WDR5: variants seen among roughly 807,000 people sequenced by gnomAD.
WDR5 encodes WD repeat-containing protein 5.
For synonymous variants in WDR5, 144 were observed against 161.6 expected (o/e 0.89, Z 0.83); for missense variants, 187 against 416.9 (o/e 0.45, Z 4.80).
At chr9:134,153,527 T>C (rs1295490654) in intron 9 of WDR5, among the ~76,000 whole-genome samples, 1 of 152,238 alleles carries the variant, frequency 6.6e-6, no homozygotes, top group Non-Finnish European at 1.5e-5. Context: ...CGGCCCTCAC[T>C]GTGACCTCGG....
rs763583813 is a variant in WDR5 at position 134,141,966 on chromosome 9, C to T, written c.282C>T (p.Ala94=). The stretch of plus-strand genomic sequence containing the variant: ...TCCCCAAGGGAATATCCGATGTAGC[C>T]TGGTCGTCAGATTCTAACCTTCTTG... ...SGHKLGISDV[A]WSSDSNLLVS... is the part of the protein sequence containing the mutation. Residue 94 remains alanine (A), a synonymous_variant, in exon 5 of 14, where the codon GCC becomes GCT. Transcript: ENST00000358625. 9 of 1,614,052 alleles carry T rather than the reference C, an allele frequency of 5.6e-6. No individual in the cohort carries two copies.
intron 13 of WDR5, 67 bp downstream of exon 13, chr9:134,156,660 C>T (rs535907120): frequency 3.3e-4 from 510 of 1,534,916 alleles, no homozygotes; most frequent in Non-Finnish European, 3.1e-4. Context: ...GCAGGTGAAG[C>T]GTGGTGTGCC....
At chr9:134,155,450 C>T (rs113108543) in intron 11 of WDR5, 77 bp downstream of exon 11, 51 of 1,513,688 alleles carry the variant, frequency 3.4e-5, no homozygotes, top group African/African-American at 7.0e-5. Context: ...GAGCTGGCCC[C>T]GGTGATGACA....
chr9:134,146,830 CTG>C, intron 7 of WDR5, among the ~76,000 whole-genome samples: 1 of 152,336 alleles, frequency 6.6e-6, no homozygotes, highest in Non-Finnish European at 1.5e-5. Context: ...AGATGGATCA[CTG>C]TGAGTTAGAA....
chr9:134,144,224 G>A (rs369452564), intron 7 of WDR5, among the ~76,000 whole-genome samples: 1 of 152,168 alleles, frequency 6.6e-6, no homozygotes, highest in Non-Finnish European at 1.5e-5. Context: ...TCACTGCTGC[G>A]GGGAGGCCGT....
At position 134,141,979 on chromosome 9, in the gene WDR5, T is replaced by A; in HGVS notation, c.295T>A (p.Ser99Thr). The change falls in exon 5 of 14, where the codon TCT becomes ACT. Residue 99 changes from serine (S) to threonine (T), a missense_variant. Coordinates refer to ENST00000358625, the MANE Select transcript of WDR5 (RefSeq NM_017588.3). ...GISDVAWSSDSNLLVSASDDK... is the reference protein window; with the variant it reads ...GISDVAWSSDTNLLVSASDDK... ...ATCCGATGTAGCCTGGTCGTCAGAT[T>A]CTAACCTTCTTGTTTCTGCCTCAGA... The A allele has an allele frequency of 6.2e-7, 1 of 1,614,204 alleles. No individual in the cohort carries two copies. The highest frequency in any genetic ancestry group is 8.5e-7 in the Non-Finnish European group (1 of 1,180,040).
intron 9 of WDR5, 55 bp from the exon 10 acceptor site, chr9:134,154,411 G>A: frequency 6.3e-7 from 1 of 1,588,592 alleles, no homozygotes; most frequent in Non-Finnish European, 8.6e-7. Context: ...CCCACCTCCT[G>A]TCCCTGCCTG....
chr9:134,158,039 G>A lies in WDR5; in HGVS notation c.*46G>A, dbSNP rs1369830736. On this transcript the variant is annotated 3_prime_UTR_variant, in exon 14 of 14. Transcript: ENST00000358625. ...GAGAGACTGTCGGGAAGTTGACCCG[G>A]ATTGGCAAGAAACAGGGTGTCTTGG... 1 of 1,581,302 alleles carries A rather than the reference G, an allele frequency of 6.3e-7. No individual in the cohort carries two copies. Among genetic ancestry groups the A allele is most frequent in the South Asian group, 1.1e-5 (1 of 90,264 alleles).
At chr9:134,156,657 A>G (rs1182143507) in intron 13 of WDR5, 64 bp downstream of exon 13, 2 of 1,555,766 alleles carry the variant, frequency 1.3e-6, no homozygotes, top group African/African-American at 1.4e-5. Flanking sequence ...CCTGCAGGTG[A>G]AGCGTGGTGT....
At chr9:134,155,110 T>C (rs1188120778) in intron 10 of WDR5, among the ~76,000 whole-genome samples, 1 of 152,164 alleles carries the variant, frequency 6.6e-6, no homozygotes, top group Non-Finnish European at 1.5e-5. Context: ...CCTGTTAAAG[T>C]CTCTCTTGGA....
chr9:134,138,384 T>G (rs1022300323), intron 1 of WDR5, among the ~76,000 whole-genome samples: 2 of 152,368 alleles, frequency 1.3e-5, no homozygotes, highest in South Asian at 4.1e-4. Flanking sequence ...ACTTTGCAGC[T>G]TTTTGCTTGG....
chr9:134,148,478 A>G (rs765779206), intron 8 of WDR5, 135 bp downstream of exon 8: 5 of 730,906 alleles, frequency 6.8e-6, no homozygotes, highest in Non-Finnish European at 8.9e-6. Context: ...TCTTCTGGCC[A>G]CGCTGCAGAC....
chr9:134,140,549 C>G (rs1285594437), intron 2 of WDR5, among the ~76,000 whole-genome samples, 154 bp from the exon 3 acceptor site: 1 of 152,164 alleles, frequency 6.6e-6, no homozygotes, highest in Non-Finnish European at 1.5e-5. Context: ...TTGAAAGGTA[C>G]TGTCCACATA....
intron 2 of WDR5, 111 bp from the exon 3 acceptor site, chr9:134,140,592 T>G: frequency 1.1e-6 from 1 of 881,570 alleles, no homozygotes; most frequent in East Asian, 2.4e-5. Context: ...CATGTGGATT[T>G]GGAGCTCTAA....
intron 7 of WDR5, among the ~76,000 whole-genome samples, chr9:134,145,096 G>GTTTTTTTTGTTTTT (rs1832110289): frequency 9.6e-6 from 1 of 104,664 alleles, no homozygotes; most frequent in African/African-American, 3.4e-5. Flanking sequence ...GTGGGGCTTT[G>GTTTTTTTTGTTTTT]TTTTTTTTTT....
At chr9:134,150,231 A>T (rs1832422288) in intron 8 of WDR5, among the ~76,000 whole-genome samples, 1 of 152,234 alleles carries the variant, frequency 6.6e-6, no homozygotes, top group African/African-American at 2.4e-5. Flanking sequence ...ACAGAAAGGA[A>T]TTCCCATAGC....
chr9:134,142,112 G>T, intron 5 of WDR5, 74 bp downstream of exon 5: 1 of 1,352,452 alleles, frequency 7.4e-7, no homozygotes, highest in South Asian at 1.2e-5. Flanking sequence ...GGACTGAGTT[G>T]ACTGCTCAGT....
intron 7 of WDR5, 98 bp from the exon 8 acceptor site, chr9:134,148,190 T>G: frequency 5.0e-6 from 1 of 198,952 alleles, no homozygotes; most frequent in South Asian, 1.3e-4. Flanking sequence ...CTCAGTCTTT[T>G]TTTTTTTTTT....
upstream of WDR5, chr9:134,136,038 C>T (rs1831521533): frequency 1.3e-5 from 2 of 150,738 alleles, no homozygotes; most frequent in African/African-American, 4.9e-5. Context: ...TGAGCTCGCC[C>T]CGCCCCCCGG....
Sources: allele counts gnomAD v4.1 joint callset (sites outside exome capture counted in the v4.1 genomes callset), GRCh38; gene constraint gnomAD v4.1.1; transcripts MANE v1.5; gene names NCBI Gene and HGNC (gene_info 2026-07-23, HGNC 2026-07-21).